Variants in TENM2 observed in about 807,000 individuals in gnomAD.
TENM2 encodes the protein teneurin transmembrane protein 2.
TENM2 carries 52 observed loss-of-function variants against 245.2 expected under a neutral mutation model. The observed-to-expected ratio is 0.21, with a 90% CI of 0.17 to 0.27. TENM2 has a LOEUF of 0.27. Among genes scored for constraint, TENM2 ranks in the 10% least tolerant of loss-of-function variants. The pLI, the probability that TENM2 is intolerant of heterozygous loss-of-function variation, is 1.00. For synonymous variants in TENM2, 1,363 were observed against 1,438.9 expected (o/e 0.95, Z 1.19); for missense variants, 3,046 against 3,666.8 (o/e 0.83, Z 4.37).
intron 13 of TENM2, among the ~76,000 whole-genome samples, chr5:168,181,035 A>G (rs1759834563): frequency 6.6e-6 from 1 of 152,240 alleles, no homozygotes; most frequent in South Asian, 2.1e-4. Flanking sequence ...CGCTGGTTTA[A>G]AGCTTAGCCA....
At chr5:168,166,145 C>T (rs1319450466) in intron 13 of TENM2, among the ~76,000 whole-genome samples, 7 of 152,092 alleles carry the variant, frequency 4.6e-5, no homozygotes, top group East Asian at 1.9e-4. Flanking sequence ...TGTCCTGCTT[C>T]GTGAGTTATC....
chr5:167,996,303 C>T (rs933610262), intron 5 of TENM2, among the ~76,000 whole-genome samples: 4 of 152,064 alleles, frequency 2.6e-5, no homozygotes, highest in Non-Finnish European at 5.9e-5. Flanking sequence ...GGTCAGAGAA[C>T]TTTTATGATC....
At chr5:168,049,601 A>G (rs1581162308) in intron 6 of TENM2, among the ~76,000 whole-genome samples, 1 of 152,136 alleles carries the variant, frequency 6.6e-6, no homozygotes, top group African/African-American at 2.4e-5. Flanking sequence ...CCACACCCAT[A>G]GAACAAATCT....
At chr5:167,404,120 T>C (rs1330205361) in intron 2 of TENM2, among the ~76,000 whole-genome samples, 1 of 152,048 alleles carries the variant, frequency 6.6e-6, no homozygotes, top group African/African-American at 2.4e-5. Flanking sequence ...TTAAACCAAT[T>C]TAACTCTCAA....
At chr5:167,154,948 G>A in the TENM2 span, among the ~76,000 whole-genome samples, 3 of 152,066 alleles carry the variant, frequency 2.0e-5, no homozygotes, top group African/African-American at 4.8e-5. Flanking sequence ...CATAAAAGTC[G>A]TACATATTGC....
intron 12 of TENM2, among the ~76,000 whole-genome samples, chr5:168,141,016 T>C (rs1324142845): frequency 2.6e-5 from 4 of 152,064 alleles, no homozygotes; most frequent in Non-Finnish European, 5.9e-5. Flanking sequence ...CATTTTCCCC[T>C]GTATGACTGG....
intron 2 of TENM2, among the ~76,000 whole-genome samples, chr5:167,675,690 G>T (rs1441049007): frequency 1.3e-5 from 2 of 151,926 alleles, no homozygotes; most frequent in Non-Finnish European, 2.9e-5. Context: ...TTTATTTCAG[G>T]GTCTGTATCT....
intron 2 of TENM2, among the ~76,000 whole-genome samples, chr5:167,659,460 GT>G (rs562750746): frequency 1.3e-5 from 2 of 152,250 alleles, no homozygotes; most frequent in East Asian, 3.9e-4. Flanking sequence ...TGAAAATGTG[GT>G]TGAATACAAG....
At chr5:167,413,847 A>G (rs1763030690) in intron 2 of TENM2, among the ~76,000 whole-genome samples, 1 of 152,216 alleles carries the variant, frequency 6.6e-6, no homozygotes, top group African/African-American at 2.4e-5. Flanking sequence ...TTAAAAACAC[A>G]TTAGGTGGCA....
the TENM2 span, among the ~76,000 whole-genome samples, chr5:167,108,011 T>G: frequency 6.6e-5 from 10 of 152,202 alleles, no homozygotes; most frequent in Admixed American, 2.6e-4. Flanking sequence ...TTATTTACCC[T>G]TATCCTTTCC....
chr5:168,061,880 TA>T (rs1790069078), intron 6 of TENM2, among the ~76,000 whole-genome samples, 179 bp from the exon 9 acceptor site: 1 of 152,194 alleles, frequency 6.6e-6, no homozygotes, highest in Non-Finnish European at 1.5e-5. Flanking sequence ...GGTGTGCATT[TA>T]TAGCTTTGTT....
the TENM2 span, among the ~76,000 whole-genome samples, chr5:167,225,177 C>A: frequency 2.6e-5 from 4 of 151,828 alleles, no homozygotes; most frequent in African/African-American, 7.2e-5. Flanking sequence ...AATTTCAATG[C>A]CTTTTAGGGC....
At chr5:167,326,566 G>A (rs1439743065) in intron 1 of TENM2, among the ~76,000 whole-genome samples, 9 of 151,716 alleles carry the variant, frequency 5.9e-5, no homozygotes, top group Non-Finnish European at 1.3e-4. Flanking sequence ...CCAGCTACTC[G>A]GGAGGCTGAG....
At chr5:167,641,373 A>G (rs1779605343) in intron 2 of TENM2, among the ~76,000 whole-genome samples, 1 of 152,178 alleles carries the variant, frequency 6.6e-6, no homozygotes, top group African/African-American at 2.4e-5. Flanking sequence ...TGATTGCAGA[A>G]GGAGGTCATT....
chr5:167,813,170 G>T (rs1045759732), intron 2 of TENM2, among the ~76,000 whole-genome samples: 3 of 152,102 alleles, frequency 2.0e-5, no homozygotes, highest in African/African-American at 7.2e-5. Flanking sequence ...CAGTGGCTGG[G>T]CCTCTGCATT....
intron 2 of TENM2, among the ~76,000 whole-genome samples, chr5:167,492,040 A>T (rs916764947): frequency 1.3e-5 from 2 of 152,190 alleles, no homozygotes; most frequent in African/African-American, 2.4e-5. Flanking sequence ...AGTATTTTAA[A>T]GGTTAAAAGA....
At chr5:167,107,533 CA>C in the TENM2 span, among the ~76,000 whole-genome samples, 2 of 152,010 alleles carry the variant, frequency 1.3e-5, no homozygotes, top group East Asian at 3.9e-4. Context: ...AATGGCTTTA[CA>C]AAAAATTTTT....
intron 2 of TENM2, among the ~76,000 whole-genome samples, chr5:167,535,970 T>TC (rs1771813056): frequency 6.6e-6 from 1 of 152,052 alleles, no homozygotes; most frequent in African/African-American, 2.4e-5. Context: ...TAGCTTAGGA[T>TC]CCCTTTGCCA....
At chr5:167,095,202 T>G in the TENM2 span, among the ~76,000 whole-genome samples, 1 of 152,106 alleles carries the variant, frequency 6.6e-6, no homozygotes, top group Admixed American at 6.6e-5. Flanking sequence ...AGGATGACCG[T>G]AGATGTTATG....
Sources: gnomAD v4.1 joint callset for allele counts (sites outside exome capture counted in the v4.1 genomes callset) on GRCh38, gnomAD v4.1.1 for gene constraint, MANE v1.5 for transcripts, NCBI Gene and HGNC (gene_info 2026-07-23, HGNC 2026-07-21) for gene names.